Variants in CNTN4 observed in about 807,000 individuals in gnomAD.
CNTN4 encodes contactin-4.
In CNTN4, 77 loss-of-function variants were observed where a neutral mutation model predicts 122.5. That is an observed-to-expected ratio of 0.63 (90% CI 0.52 to 0.76). The LOEUF is 0.76. Ranked by LOEUF, CNTN4 falls within the 30% of genes least tolerant of loss-of-function variation. The pLI is 0.00. For missense variants in CNTN4, 1,256 were observed against 1,259.1 expected (o/e 1.00, Z 0.04); for synonymous variants, 512 against 447.0 (o/e 1.15, Z -1.83).
At chr3:2,858,954 A>G (rs1470053971) in intron 7 of CNTN4, among the ~76,000 whole-genome samples, 1 of 152,226 alleles carries the variant, frequency 6.6e-6, no homozygotes, top group Non-Finnish European at 1.5e-5. Context: ...CAAGAATAGA[A>G]TACATTATTA....
At chr3:2,116,894 C>T (rs942209034) in intron 2 of CNTN4, among the ~76,000 whole-genome samples, 1 of 152,124 alleles carries the variant, frequency 6.6e-6, no homozygotes, top group Non-Finnish European at 1.5e-5. Flanking sequence ...GTGGGAGAAA[C>T]AAACTCAAAG....
At chr3:2,656,433 A>C (rs1389324992) in intron 4 of CNTN4, among the ~76,000 whole-genome samples, 1 of 152,236 alleles carries the variant, frequency 6.6e-6, no homozygotes, top group Non-Finnish European at 1.5e-5. Flanking sequence ...TGTTTCACCA[A>C]CTGTAATCAA....
At chr3:2,585,315 T>C (rs1486971021) in intron 4 of CNTN4, among the ~76,000 whole-genome samples, 2 of 151,184 alleles carry the variant, frequency 1.3e-5, no homozygotes, top group African/African-American at 4.9e-5. Flanking sequence ...GAAATACCAT[T>C]TGACCCAGCC....
At chr3:2,791,754 G>T (rs1482137283) in intron 6 of CNTN4, among the ~76,000 whole-genome samples, 1 of 152,204 alleles carries the variant, frequency 6.6e-6, no homozygotes, top group Admixed American at 6.5e-5. Context: ...GGAATGCACT[G>T]CCTCTAGGGG....
intron 2 of CNTN4, among the ~76,000 whole-genome samples, chr3:2,169,550 G>A (rs2036358039): frequency 4.8e-5 from 5 of 104,590 alleles, no homozygotes; most frequent in Non-Finnish European, 6.4e-5. Context: ...GGGACTACAG[G>A]CGCCGCCACC....
In CNTN4 at chr3:2,887,080, C is replaced by T. The variant is rs199903859; in HGVS notation, c.796C>T (p.Pro266Ser). ...TIIWRRADGK[P>S]IARKARRHKS... is the part of the protein sequence containing the mutation. ...TATCTGGCGAAGAGCTGATGGAAAG[C>T]CAATAGCAAGGAAAGCCAGAAGACA... Residue 266 changes from proline to serine, a missense_variant, in exon 10 of 25, where the codon CCA becomes TCA. Pro to Ser is a moderately conservative substitution (Grantham distance 74, BLOSUM62 -1). Transcript: ENST00000418658. 4.2e-5 allele frequency: 67 copies of T among 1,613,862 alleles called. No individual in the cohort carries two copies. In the African/African-American group the frequency reaches 8.7e-4, roughly 21 times the overall value.
At chr3:2,414,170 G>A (rs868551192) in intron 3 of CNTN4, among the ~76,000 whole-genome samples, 1 of 152,078 alleles carries the variant, frequency 6.6e-6, no homozygotes, top group Non-Finnish European at 1.5e-5. Flanking sequence ...TAGGATGGTG[G>A]GTAGATACCA....
At chr3:2,174,065 G>A (rs1261348751) in intron 2 of CNTN4, among the ~76,000 whole-genome samples, 9 of 152,032 alleles carry the variant, frequency 5.9e-5, no homozygotes, top group East Asian at 1.9e-4. Flanking sequence ...AATGAGTGTC[G>A]CTGAGCCTGA....
chr3:2,496,688 C>T (rs145190213), intron 3 of CNTN4, among the ~76,000 whole-genome samples: 66 of 152,252 alleles, frequency 4.3e-4, no homozygotes, highest in African/African-American at 1.5e-3. Context: ...ATGTTCAGTT[C>T]CCTTTTCCAA....
chr3:2,536,071 T>A (rs936828993), intron 3 of CNTN4, among the ~76,000 whole-genome samples: 1 of 152,158 alleles, frequency 6.6e-6, no homozygotes, highest in African/African-American at 2.4e-5. Context: ...ATTGCCACCA[T>A]GTTGCATTTA....
intron 3 of CNTN4, among the ~76,000 whole-genome samples, chr3:2,501,214 T>C (rs1348281176): frequency 2.6e-5 from 4 of 152,180 alleles, no homozygotes; most frequent in African/African-American, 9.6e-5. Context: ...AGGTTTCAAA[T>C]GGATTTGTAG....
chr3:2,455,252 A>G (rs1237022402), intron 3 of CNTN4, among the ~76,000 whole-genome samples: 1 of 152,122 alleles, frequency 6.6e-6, no homozygotes, highest in African/African-American at 2.4e-5. Context: ...AGAATCATCA[A>G]GCTGTGTTTG....
chr3:2,494,198 G>C (rs1211266852), intron 3 of CNTN4, among the ~76,000 whole-genome samples: 4 of 152,180 alleles, frequency 2.6e-5, no homozygotes, highest in Admixed American at 2.6e-4. Flanking sequence ...CTAAGGCACA[G>C]TCTCAAGAGT....
intron 2 of CNTN4, among the ~76,000 whole-genome samples, chr3:2,265,947 T>C (rs2041026843): frequency 6.6e-6 from 1 of 152,146 alleles, no homozygotes; most frequent in South Asian, 2.1e-4. Flanking sequence ...AATTTGTGTA[T>C]CAGATTTAAG....
At chr3:2,861,737 C>T (rs1046121671) in intron 7 of CNTN4, among the ~76,000 whole-genome samples, 2 of 152,090 alleles carry the variant, frequency 1.3e-5, no homozygotes, top group African/African-American at 4.8e-5. Flanking sequence ...TGTTCCAGTT[C>T]TTGACCTTGC....
At chr3:2,701,232 G>A (rs915023231) in intron 4 of CNTN4, among the ~76,000 whole-genome samples, 1 of 152,124 alleles carries the variant, frequency 6.6e-6, no homozygotes, top group Admixed American at 6.5e-5. Flanking sequence ...AGTGGACATA[G>A]GCAGGAAGAG....
intron 3 of CNTN4, among the ~76,000 whole-genome samples, chr3:2,453,824 T>C (rs2048911687): frequency 1.3e-5 from 2 of 152,010 alleles, no homozygotes; most frequent in Non-Finnish European, 2.9e-5. Flanking sequence ...GTCAACAGAG[T>C]GAATTATAGT....
At position 2,298,830 on chromosome 3, in the gene CNTN4, A is replaced by T. The variant is rs959013404; in HGVS notation, c.-144-40348A>T. ...AAATTAACCTATTACCTGTATGGCC[A>T]TGATAGTTTTTGTGAGGAGTAAATT... On this transcript the variant is annotated intron_variant, in intron 2 of 24. Coordinates refer to ENST00000418658, the MANE Select transcript of CNTN4 (RefSeq NM_175607.3). 2.0e-5 allele frequency among the ~76,000 whole-genome samples: 3 copies of T among 152,220 alleles called. No individual in the cohort carries two copies. In the East Asian group the frequency reaches 5.8e-4, roughly 29 times the overall value.
At chr3:2,372,676 A>G (rs929348349) in intron 3 of CNTN4, among the ~76,000 whole-genome samples, 3 of 152,206 alleles carry the variant, frequency 2.0e-5, no homozygotes, top group Non-Finnish European at 4.4e-5. Flanking sequence ...TAGAAAAGGA[A>G]AAGAGGAAGG....
Sources: allele counts gnomAD v4.1 joint callset (sites outside exome capture counted in the v4.1 genomes callset), GRCh38; gene constraint gnomAD v4.1.1; transcripts MANE v1.5; gene names NCBI Gene and HGNC (gene_info 2026-07-23, HGNC 2026-07-21).